The following DYRK1A variants were observed in gnomAD, a reference collection of about 807,000 sequenced individuals.
DYRK1A encodes the protein dual specificity tyrosine phosphorylation regulated kinase 1A.
A neutral mutation model predicts 79.7 loss-of-function variants in DYRK1A; 9 were observed. That is an observed-to-expected ratio of 0.11 (90% confidence interval 0.07 to 0.20). The LOEUF (loss-of-function observed/expected upper bound fraction) is 0.20, where lower values mean the gene tolerates loss of function less well. DYRK1A is among the 10% of genes least tolerant of loss of function. DYRK1A has a pLI of 1.00. For missense variants in DYRK1A, 622 were observed against 956.0 expected (o/e 0.65, Z 4.61); for synonymous variants, 349 against 329.7 (o/e 1.06, Z -0.63).
At chr21:37,376,008 C>T (rs565689761) in intron 1 of DYRK1A, among the ~76,000 whole-genome samples, 46 of 151,804 alleles carry the variant, frequency 3.0e-4, no homozygotes, top group African/African-American at 1.1e-3. Context: ...CACAAGCAGA[C>T]GAGGAGATGA....
At chr21:37,438,148 T>C (rs1022479090) in intron 2 of DYRK1A, among the ~76,000 whole-genome samples, 2 of 152,196 alleles carry the variant, frequency 1.3e-5, no homozygotes, top group African/African-American at 4.8e-5. Context: ...GAAGTGTTTG[T>C]TCAAATCTTT....
chr21:37,423,932 TTC>T (rs1008985764), intron 2 of DYRK1A, among the ~76,000 whole-genome samples: 8 of 152,176 alleles, frequency 5.3e-5, no homozygotes, highest in African/African-American at 1.9e-4. Context: ...TAATTTTGGA[TTC>T]TCTTAACTCA....
chr21:37,501,169 T>TTTTTTTTTTTTTTG (rs2053436340), intron 9 of DYRK1A, among the ~76,000 whole-genome samples: 1 of 140,294 alleles, frequency 7.1e-6, no homozygotes, highest in African/African-American at 2.7e-5. Context: ...GTTGTTGGTT[T>TTTTTTTTTTTTTTG]TTTTTTTTTT....
At chr21:37,502,197 T>G (rs532451869) in intron 9 of DYRK1A, 1 of 152,320 alleles carries the variant, frequency 6.6e-6, no homozygotes, top group Non-Finnish European at 1.5e-5. Flanking sequence ...AAGAATTATT[T>G]TTGTGTTGTG....
intron 1 of DYRK1A, among the ~76,000 whole-genome samples, chr21:37,400,119 T>C (rs1018427283): frequency 3.3e-5 from 5 of 152,144 alleles, no homozygotes; most frequent in African/African-American, 1.2e-4. Context: ...CTGCCAGTAC[T>C]TCTTGACTTG....
At chr21:37,433,046 T>A (rs3035254) in intron 2 of DYRK1A, among the ~76,000 whole-genome samples, 62,429 of 103,730 alleles carry the variant, frequency 0.6, 14,451 homozygotes, top group Middle Eastern at 0.67. Flanking sequence ...GAATTCTAAA[T>A]ATATATATAT....
Position 37,413,941 on chromosome 21 carries a change from G to C in DYRK1A, c.-76-6358G>C, listed in dbSNP as rs73903957. Among the ~76,000 whole-genome samples the C allele has an allele frequency of 9.2e-3, 1,406 of 152,236 alleles. 19 individuals are homozygous for C. Among genetic ancestry groups the C allele is most frequent in the African/African-American group, 0.033 (1,350 of 41,534 alleles). On this transcript the variant is annotated intron_variant, in intron 1 of 11. Coordinates refer to ENST00000647188, the MANE Select transcript of DYRK1A (RefSeq NM_001347721.2). Reference sequence around the variant, plus strand: ...GCTCTAAGATTTAAAATTCATGCTAGTGAAAATTAGAAACAAGCCACATAC... The same window carrying C: ...GCTCTAAGATTTAAAATTCATGCTACTGAAAATTAGAAACAAGCCACATAC...
At chr21:37,485,962 T>C (rs2052848897) in intron 5 of DYRK1A, among the ~76,000 whole-genome samples, 1 of 152,206 alleles carries the variant, frequency 6.6e-6, no homozygotes, top group Non-Finnish European at 1.5e-5. Context: ...TTTTATATAC[T>C]TAGGTTTTTA....
intron 2 of DYRK1A, among the ~76,000 whole-genome samples, chr21:37,421,023 C>T (rs1473006110): frequency 6.6e-6 from 1 of 152,032 alleles, no homozygotes; most frequent in South Asian, 2.1e-4. Flanking sequence ...AAACTGGAGG[C>T]TATTCCACAC....
intron 2 of DYRK1A, among the ~76,000 whole-genome samples, chr21:37,441,893 T>C (rs1285185158): frequency 6.6e-6 from 1 of 151,996 alleles, no homozygotes; most frequent in African/African-American, 2.4e-5. Flanking sequence ...TTAACATTTT[T>C]TGTAGTGCGT....
Position 37,401,590 on chromosome 21 carries a change from C to T in DYRK1A, c.-76-18709C>T, listed in dbSNP as rs139925297. On this transcript the variant is annotated intron_variant, in intron 1 of 11. Transcript: ENST00000647188. ...CTGCGCCTCCTGGGTTCAAGCAATT[C>T]TCCTTTCTCACCCTCCTGTGTAGCT... 7.1e-3 allele frequency among the ~76,000 whole-genome samples: 1,065 copies of T among 150,624 alleles called. 13 individuals are homozygous for T. The highest frequency in any genetic ancestry group is 0.025 in the African/African-American group (1,022 of 41,028).
At chr21:37,374,258 C>T (rs1319289176) in intron 1 of DYRK1A, among the ~76,000 whole-genome samples, 1 of 151,292 alleles carries the variant, frequency 6.6e-6, no homozygotes, top group Non-Finnish European at 1.5e-5. Context: ...ATAACACTCG[C>T]ATGTTGTCAG....
chr21:37,397,844 C>T (rs991488413), intron 1 of DYRK1A, among the ~76,000 whole-genome samples: 11 of 152,016 alleles, frequency 7.2e-5, no homozygotes, highest in Non-Finnish European at 1.6e-4. Context: ...AATCGCCTTA[C>T]ATGTGAAAGT....
chr21:37,390,258 A>G (rs2049845035), intron 1 of DYRK1A, among the ~76,000 whole-genome samples: 1 of 152,108 alleles, frequency 6.6e-6, no homozygotes, highest in Non-Finnish European at 1.5e-5. Flanking sequence ...TTGGGGTCTT[A>G]TTACCTTTAT....
intron 1 of DYRK1A, among the ~76,000 whole-genome samples, chr21:37,383,356 A>C (rs1339853216): frequency 1.3e-5 from 2 of 152,148 alleles, no homozygotes; most frequent in Non-Finnish European, 2.9e-5. Flanking sequence ...GGATGTTCTT[A>C]ACTATGTAGC....
chr21:37,457,041 T>TTAG (rs1569339620), intron 2 of DYRK1A, among the ~76,000 whole-genome samples: 15 of 46,972 alleles, frequency 3.2e-4, no homozygotes, highest in Non-Finnish European at 5.4e-4. Flanking sequence ...TACTTACTTA[T>TTAG]TTATTTATTT....
intron 4 of DYRK1A, among the ~76,000 whole-genome samples, chr21:37,479,218 A>T (rs935766848): frequency 6.6e-6 from 1 of 152,246 alleles, no homozygotes; most frequent in Non-Finnish European, 1.5e-5. Flanking sequence ...GTGGCAACGT[A>T]AAATTAGAAT....
At chr21:37,398,665 T>C (rs1003123144) in intron 1 of DYRK1A, among the ~76,000 whole-genome samples, 8 of 152,210 alleles carry the variant, frequency 5.3e-5, no homozygotes, top group Admixed American at 3.9e-4. Context: ...CTTTGTACTT[T>C]GGCGATGTCA....
chr21:37,422,815 G>A (rs1178502965), intron 2 of DYRK1A, among the ~76,000 whole-genome samples: 2 of 152,008 alleles, frequency 1.3e-5, no homozygotes, highest in Non-Finnish European at 2.9e-5. Context: ...GGTGGGAGGA[G>A]AGAAAAAAAT....
Sources: gnomAD v4.1 joint callset for allele counts (sites outside exome capture counted in the v4.1 genomes callset) on GRCh38, gnomAD v4.1.1 for gene constraint, MANE v1.5 for transcripts, NCBI Gene and HGNC (gene_info 2026-07-23, HGNC 2026-07-21) for gene names.